Variants in ELP4 observed in about 807,000 individuals in gnomAD.
The protein encoded by ELP4 is elongator complex protein 4.
Under a neutral mutation model 48.9 loss-of-function variants are expected in ELP4, and 51 were observed. The ratio of observed to expected loss-of-function variants is 1.04; its 90% CI spans 0.83 to 1.32. The LOEUF (loss-of-function observed/expected upper bound fraction) is 1.32, where lower values mean the gene tolerates loss of function less well. ELP4 is among the 40% of genes most tolerant of loss of function. The pLI, the probability that ELP4 is intolerant of heterozygous loss-of-function variation, is 0.00. For synonymous variants in ELP4, 210 were observed against 189.2 expected (o/e 1.11, Z -0.90); for missense variants, 519 against 514.6 (o/e 1.01, Z -0.08).
At chr11:31,700,648 G>A (rs916033347) in intron 9 of ELP4, among the ~76,000 whole-genome samples, 1 of 151,910 alleles carries the variant, frequency 6.6e-6, no homozygotes, top group Non-Finnish European at 1.5e-5. Context: ...GAAGACAGCT[G>A]GAAAAGATTA....
intron 3 of ELP4, among the ~76,000 whole-genome samples, chr11:31,567,109 T>G (rs1957125841): frequency 6.6e-6 from 1 of 152,000 alleles, no homozygotes; most frequent in Non-Finnish European, 1.5e-5. Context: ...AACTTTGTAT[T>G]TTTAGTAGAG....
intron 9 of ELP4, among the ~76,000 whole-genome samples, chr11:31,684,426 C>G (rs1323784971): frequency 1.3e-5 from 2 of 152,062 alleles, no homozygotes; most frequent in African/African-American, 4.8e-5. Flanking sequence ...AGGCTGGTCT[C>G]GAACTCCTGA....
At chr11:31,603,040 A>C (rs1957810789) in intron 4 of ELP4, among the ~76,000 whole-genome samples, 1 of 151,940 alleles carries the variant, frequency 6.6e-6, no homozygotes, top group South Asian at 2.1e-4. Flanking sequence ...AGTGTCATAT[A>C]AATTAGAGTT....
chr11:31,615,321 A>G lies in ELP4; in HGVS notation c.653+11414A>G, dbSNP rs142377007. Among the ~76,000 whole-genome samples the G allele has an allele frequency of 1.2e-4, 19 of 152,166 alleles. No individual in the cohort carries two copies. The East Asian group carries it at 3.5e-3, about 28-fold the overall frequency. On this transcript the variant is annotated intron_variant, in intron 5 of 9. Transcript: ENST00000640961. ...AAACAGGCAAAAGGTTAACGTTAAG[A>G]GGATGTTCTCAGAAAAAGATACAGA...
intron 5 of ELP4, among the ~76,000 whole-genome samples, chr11:31,623,378 T>TAAAA (rs1489778900): frequency 2.5e-4 from 16 of 63,360 alleles, no homozygotes; most frequent in Admixed American, 2.3e-3. Context: ...TATATATATA[T>TAAAA]ATATATATAT....
chr11:31,742,155 GATGAAATGA>G (rs1258938218), intron 9 of ELP4, among the ~76,000 whole-genome samples: 14 of 152,188 alleles, frequency 9.2e-5, no homozygotes, highest in African/African-American at 3.4e-4. Flanking sequence ...AGTGATGGAA[GATGAAATGA>G]ATGAAATGAA....
chr11:31,728,111 G>T (rs1235520536), intron 9 of ELP4, among the ~76,000 whole-genome samples: 1 of 152,094 alleles, frequency 6.6e-6, no homozygotes, highest in Non-Finnish European at 1.5e-5. Context: ...GAATAAAGAT[G>T]ATTATAGGTT....
rs1207110995 is a variant in ELP4, at chr11:31,783,439, G to A, written c.1190G>A (p.Ser397Asn). Reference protein sequence around the residue: ...PDLSDTVSRSSKMDLAESAKR... With the variant: ...PDLSDTVSRSNKMDLAESAKR... ...TTGTCAGACACAGTGAGCCGCTCAAGCAAAATGGATCTGGCAGAATCCGCC... is the reference window on the plus strand; with the variant it reads ...TTGTCAGACACAGTGAGCCGCTCAAACAAAATGGATCTGGCAGAATCCGCC... The change falls in exon 10 of 10, where the codon AGC (serine) becomes AAC (asparagine). Residue 397 changes from serine (S) to asparagine (N), a missense_variant. Coordinates refer to ENST00000640961, the MANE Select transcript of ELP4 (RefSeq NM_019040.5). 1 of 1,614,130 alleles carries A rather than the reference G, an allele frequency of 6.2e-7. No individual in the cohort carries two copies. Among genetic ancestry groups the A allele is most frequent in the Middle Eastern group, 1.7e-4 (1 of 6,060 alleles).
chr11:31,657,517 A>G (rs1382958281), intron 9 of ELP4, among the ~76,000 whole-genome samples: 1 of 152,090 alleles, frequency 6.6e-6, no homozygotes, highest in Non-Finnish European at 1.5e-5. Context: ...TAGGTGCTCC[A>G]TAAATATTTG....
At chr11:31,667,796 A>G (rs1945712409) in intron 9 of ELP4, among the ~76,000 whole-genome samples, 1 of 152,206 alleles carries the variant, frequency 6.6e-6, no homozygotes, top group Non-Finnish European at 1.5e-5. Flanking sequence ...AAAAGCAGTT[A>G]AATGAAAATG....
intron 2 of ELP4, among the ~76,000 whole-genome samples, chr11:31,539,260 C>T (rs1469572443): frequency 1.3e-5 from 2 of 152,098 alleles, no homozygotes; most frequent in Non-Finnish European, 2.9e-5. Context: ...GTCAGGAGAT[C>T]GAGACCATCC....
At chr11:31,528,776 T>G (rs1956341750) in intron 2 of ELP4, among the ~76,000 whole-genome samples, 1 of 152,104 alleles carries the variant, frequency 6.6e-6, no homozygotes, top group South Asian at 2.1e-4. Flanking sequence ...AATAATTCAG[T>G]TTAAACATAA....
rs187095447 is a variant in ELP4, at chr11:31,738,494, G to A, written c.1144-44899G>A. 2.8e-3 allele frequency among the ~76,000 whole-genome samples: 431 copies of A among 151,904 alleles called. 2 individuals carry two copies. The highest frequency in any genetic ancestry group is 9.8e-3 in the African/African-American group (405 of 41,452). On this transcript the variant is annotated intron_variant, in intron 9 of 9. Transcript: ENST00000640961. ...GACGCCTATAATCCCAGCACACTGC[G>A]GGGGGCTAAGGCTGGTGGATTGCTT...
chr11:31,605,264 T>C (rs1957852731), intron 5 of ELP4, among the ~76,000 whole-genome samples: 1 of 152,048 alleles, frequency 6.6e-6, no homozygotes, highest in Admixed American at 6.6e-5. Context: ...AAAATCAATA[T>C]CTTCATGTGA....
chr11:31,641,056 A>AACTTACATT (rs1229072577), intron 7 of ELP4, among the ~76,000 whole-genome samples: 2 of 151,970 alleles, frequency 1.3e-5, no homozygotes, highest in African/African-American at 4.8e-5. Context: ...TGCAGCTATT[A>AACTTACATT]ACTTACATTG....
intron 9 of ELP4, among the ~76,000 whole-genome samples, chr11:31,666,438 A>C (rs556205429): frequency 6.6e-6 from 1 of 152,266 alleles, no homozygotes; most frequent in African/African-American, 2.4e-5. Flanking sequence ...TCACGCCTGT[A>C]ATCCCAGCAC....
intron 2 of ELP4, among the ~76,000 whole-genome samples, chr11:31,525,630 G>A (rs1415339564): frequency 6.6e-6 from 1 of 152,078 alleles, no homozygotes; most frequent in East Asian, 1.9e-4. Context: ...CTAGTGAGAA[G>A]GTAAGTTTGG....
At chr11:31,736,057 G>A (rs1431420601) in intron 9 of ELP4, among the ~76,000 whole-genome samples, 2 of 152,148 alleles carry the variant, frequency 1.3e-5, no homozygotes, top group Non-Finnish European at 2.9e-5. Context: ...GAGGCATCAT[G>A]CTACCTGACT....
intron 5 of ELP4, among the ~76,000 whole-genome samples, chr11:31,608,157 AGGTTATGTTAGAG>A (rs1238467880): frequency 6.6e-6 from 1 of 151,486 alleles, no homozygotes; most frequent in Non-Finnish European, 1.5e-5. Flanking sequence ...TGACAGTTTG[AGGTTATGTTAGAG>A]GGTATAATGG....
Sources: allele counts gnomAD v4.1 joint callset (sites outside exome capture counted in the v4.1 genomes callset), GRCh38; gene constraint gnomAD v4.1.1; transcripts MANE v1.5; gene names NCBI Gene and HGNC (gene_info 2026-07-23, HGNC 2026-07-21).